The following USH2A variants were observed in gnomAD, a reference collection of about 807,000 sequenced individuals.
USH2A encodes the protein usherin.
USH2A carries 443 observed loss-of-function variants against 538.9 expected under a neutral mutation model. The observed-to-expected ratio is 0.82, with a 90% CI of 0.76 to 0.89. The LOEUF (loss-of-function observed/expected upper bound fraction) is 0.89. USH2A is among the 40% of genes least tolerant of loss of function. The probability of loss-of-function intolerance (pLI) is 0.00; values close to 1 mark genes in which losing one functional copy is unlikely to be tolerated. For missense variants in USH2A, 6,633 were observed against 6,324.8 expected (o/e 1.05, Z -1.65); for synonymous variants, 2,413 against 2,273.5 (o/e 1.06, Z -1.75).
chr1:216,272,014 C>T (rs1578245), intron 11 of USH2A, among the ~76,000 whole-genome samples: 91,560 of 151,932 alleles, frequency 0.6, 29,267 homozygotes, highest in East Asian at 0.73. Flanking sequence ...TTAGGTAGCC[C>T]TCACAAAATG....
intron 38 of USH2A, among the ~76,000 whole-genome samples, chr1:215,901,879 T>G (rs1463288674): frequency 2.0e-5 from 3 of 152,276 alleles, no homozygotes; most frequent in East Asian, 3.9e-4. Context: ...AACTCTGCCT[T>G]TAGGAAAATG....
At chr1:215,845,254 A>T (rs1571741959) in intron 45 of USH2A, among the ~76,000 whole-genome samples, 1 of 152,196 alleles carries the variant, frequency 6.6e-6, no homozygotes, top group Non-Finnish European at 1.5e-5. Context: ...GACCTGGAAC[A>T]CTTGCTTGGG....
chr1:215,912,463 A>ATATATATATATACG (rs1558157816), intron 38 of USH2A, among the ~76,000 whole-genome samples: 1 of 19,076 alleles, frequency 5.2e-5, no homozygotes, highest in African/African-American at 1.5e-4. Flanking sequence ...GTATATATAT[A>ATATATATATATACG]TATATATATA....
At chr1:216,357,375 G>GA (rs2038409513) in intron 4 of USH2A, among the ~76,000 whole-genome samples, 1 of 151,748 alleles carries the variant, frequency 6.6e-6, no homozygotes, top group African/African-American at 2.4e-5. Context: ...AATTCTCTCT[G>GA]AAAAAAATTA....
chr1:216,168,670 C>T (rs919589504), intron 21 of USH2A, among the ~76,000 whole-genome samples: 9 of 152,092 alleles, frequency 5.9e-5, no homozygotes, highest in Non-Finnish European at 1.2e-4. Context: ...GTGCAGCCTC[C>T]AGCTGCAAGA....
chr1:215,958,182 G>A (rs533357), intron 37 of USH2A, among the ~76,000 whole-genome samples: 127,915 of 152,058 alleles, frequency 0.84, 54,011 homozygotes, highest in East Asian at 0.98. Context: ...ATATTCTGGG[G>A]AGAAAAGCAC....
intron 4 of USH2A, among the ~76,000 whole-genome samples, chr1:216,362,426 T>G (rs1454052944): frequency 1.8e-4 from 28 of 151,972 alleles, no homozygotes; most frequent in Admixed American, 1.8e-3. Context: ...GAAAAAAAAG[T>G]GGATAATTTG....
intron 37 of USH2A, among the ~76,000 whole-genome samples, chr1:215,952,699 A>G (rs922068312): frequency 6.6e-6 from 1 of 152,326 alleles, no homozygotes; most frequent in East Asian, 1.9e-4. Flanking sequence ...AGAATGTTGA[A>G]TATTGGCCCC....
At chr1:215,632,743 G>A (rs1233935118) in intron 70 of USH2A, among the ~76,000 whole-genome samples, 1 of 152,092 alleles carries the variant, frequency 6.6e-6, no homozygotes. Context: ...CTCTTCCACT[G>A]CCTTCCTCCA....
chr1:216,312,441 T>A (rs1488782025), intron 9 of USH2A, among the ~76,000 whole-genome samples: 1 of 152,188 alleles, frequency 6.6e-6, no homozygotes, highest in Non-Finnish European at 1.5e-5. Flanking sequence ...ACATTTTTGG[T>A]AGCTGTCTCA....
intron 55 of USH2A, among the ~76,000 whole-genome samples, chr1:215,772,684 T>G (rs1444011423): frequency 6.6e-6 from 1 of 152,204 alleles, no homozygotes; most frequent in Non-Finnish European, 1.5e-5. Context: ...ATTTTTAATC[T>G]CTTGATAAAT....
chr1:216,347,693 T>C (rs1468253033), intron 4 of USH2A, among the ~76,000 whole-genome samples: 1 of 152,172 alleles, frequency 6.6e-6, no homozygotes, highest in African/African-American at 2.4e-5. Flanking sequence ...AGTAAAATCA[T>C]TGTATGTCAC....
At chr1:215,788,104 G>A (rs1661856213) in intron 51 of USH2A, among the ~76,000 whole-genome samples, 1 of 152,006 alleles carries the variant, frequency 6.6e-6, no homozygotes, top group South Asian at 2.1e-4. Context: ...CCAACTAAAT[G>A]ACAGTAAAAT....
At chr1:215,630,679 C>A (rs1295200983) in intron 70 of USH2A, among the ~76,000 whole-genome samples, 1 of 150,606 alleles carries the variant, frequency 6.6e-6, no homozygotes, top group African/African-American at 2.4e-5. Flanking sequence ...ATGGTGAAAC[C>A]CCGTCTCTAC....
chr1:215,640,950 A>G (rs1416870401), intron 67 of USH2A, among the ~76,000 whole-genome samples: 1 of 152,064 alleles, frequency 6.6e-6, no homozygotes, highest in Non-Finnish European at 1.5e-5. Context: ...CAATGGGAAC[A>G]TGTGTGAAAT....
At chr1:216,306,698 T>A (rs2037323175) in intron 9 of USH2A, among the ~76,000 whole-genome samples, 1 of 152,206 alleles carries the variant, frequency 6.6e-6, no homozygotes, top group African/African-American at 2.4e-5. Flanking sequence ...TCCCACAGGG[T>A]GCTCCCCAGA....
At chr1:215,907,770 G>A (rs533132506) in intron 38 of USH2A, among the ~76,000 whole-genome samples, 1 of 152,000 alleles carries the variant, frequency 6.6e-6, no homozygotes, top group Non-Finnish European at 1.5e-5. Context: ...TAATTAAAGA[G>A]ATACCATGGT....
intron 36 of USH2A, among the ~76,000 whole-genome samples, chr1:215,967,314 G>A (rs183162000): frequency 1.8e-3 from 275 of 152,060 alleles, no homozygotes; most frequent in African/African-American, 6.3e-3. Context: ...GACTGCAGGC[G>A]CCCGCCACCA....
At chr1:216,224,912 T>C (rs1252167146) in intron 14 of USH2A, among the ~76,000 whole-genome samples, 1 of 152,156 alleles carries the variant, frequency 6.6e-6, no homozygotes, top group Admixed American at 6.6e-5. Flanking sequence ...AATGTTTTAA[T>C]TTCCATTTGT....
Sources: gnomAD v4.1 joint callset for allele counts (sites outside exome capture counted in the v4.1 genomes callset) on GRCh38, gnomAD v4.1.1 for gene constraint, MANE v1.5 for transcripts, NCBI Gene and HGNC (gene_info 2026-07-23, HGNC 2026-07-21) for gene names.